ICMT: variants seen among roughly 807,000 people sequenced by gnomAD.
ICMT encodes the protein protein-S-isoprenylcysteine O-methyltransferase.
A neutral mutation model predicts 32.2 loss-of-function variants in ICMT; 10 were observed. That is an observed-to-expected ratio of 0.31 (90% CI 0.19 to 0.53). The LOEUF is 0.53. Ranked by LOEUF, ICMT falls within the 20% of genes least tolerant of loss-of-function variation. The probability of loss-of-function intolerance (pLI) is 0.96; values close to 1 mark genes in which losing one functional copy is unlikely to be tolerated. For synonymous variants in ICMT, 183 were observed against 158.2 expected (o/e 1.16, Z -1.18); for missense variants, 265 against 356.9 (o/e 0.74, Z 2.07).
In ICMT at chr1:6,232,031, A is replaced by C; in HGVS notation, c.543T>G (p.Ala181=). The change falls in exon 4 of 5, where the codon GCT becomes GCG. Residue 181 remains alanine (A), a synonymous_variant. Transcript: ENST00000343813. ...ECLRKAAMFT[A]GSNFNHVVQN... The stretch of plus-strand genomic sequence containing the variant: ...GTACCACGTGGTTGAAATTGGAGCC[A>C]GCTGTAAACATGGCCGCCTTCCTCA... The C allele has an allele frequency of 6.2e-7, 1 of 1,614,184 alleles. No individual in the cohort carries two copies. Among genetic ancestry groups the C allele is most frequent in the Admixed American group, 1.7e-5 (1 of 60,016 alleles).
chr1:6,231,561 A>G (rs1432155164), intron 4 of ICMT, among the ~76,000 whole-genome samples: 1 of 152,144 alleles, frequency 6.6e-6, no homozygotes, highest in East Asian at 1.9e-4. Context: ...AAAAAAAGAA[A>G]AAAGAAAACA....
rs1005508383 is a variant in ICMT at position 6,224,639 on chromosome 1, G to A, written c.*441C>T. On this transcript the variant is annotated 3_prime_UTR_variant, in exon 5 of 5. Transcript: ENST00000343813. ...AGCGGTCTGTGTTTTTCGGTTAAAT[G>A]AAAGGTTGTAAATGCATTTTTACCG... The A allele has an allele frequency of 1.9e-5, 3 of 156,520 alleles. No individual in the cohort carries two copies. Among genetic ancestry groups the A allele is most frequent in the African/African-American group, 7.2e-5 (3 of 41,628 alleles). 9.7% of individuals were successfully genotyped at this position (156,520 alleles called of 1,614,324 possible).
chr1:6,234,367 G>A (rs890098908), intron 2 of ICMT: 1 of 415,552 alleles, frequency 2.4e-6, no homozygotes, highest in South Asian at 1.7e-5. Context: ...AGGATTAGAT[G>A]GCTCAAAATA....
chr1:6,233,782 C>CT, intron 2 of ICMT, 139 bp from the exon 3 acceptor site: 1 of 632,096 alleles, frequency 1.6e-6, no homozygotes, highest in Non-Finnish European at 2.7e-6. Flanking sequence ...AGGTACCCAT[C>CT]TGCAGCATCT....
In ICMT at chr1:6,221,718, C is replaced by T. The variant is rs1668554605; in HGVS notation, c.*3362G>A. 1 of 152,348 alleles carries T rather than the reference C, an allele frequency of 6.6e-6. No individual in the cohort carries two copies. The highest frequency in any genetic ancestry group is 2.4e-5 in the African/African-American group (1 of 41,458). 9.4% of individuals were successfully genotyped at this position (152,348 alleles called of 1,614,324 possible). ...GGATGAATAAAGCCTACTTTTTAGG[C>T]TCAAGGAGCAGCTCGTGAAGGGGTG... On this transcript the variant is annotated 3_prime_UTR_variant, in exon 5 of 5. Coordinates refer to ENST00000343813, the MANE Select transcript of ICMT (RefSeq NM_012405.4).
chr1:6,235,309 G>A (rs1049790371), intron 1 of ICMT, among the ~76,000 whole-genome samples: 1 of 152,118 alleles, frequency 6.6e-6, no homozygotes, highest in Non-Finnish European at 1.5e-5. Flanking sequence ...ATTATTATTC[G>A]TGATTACTAT....
rs117924082 is a variant in ICMT at position 6,228,121 on chromosome 1, G to A, written c.673-2859C>T. Among the ~76,000 whole-genome samples, 61 of 152,292 alleles carry A rather than the reference G, an allele frequency of 4.0e-4. 1 individual carries two copies. In the East Asian group the frequency reaches 5.0e-3, roughly 13 times the overall value. ...TTGAGACTAGCTTGGGCAACACAGC[G>A]AGATCTCATCTTTAATACACAAATA... On this transcript the variant is annotated intron_variant, in intron 4 of 4. Transcript: ENST00000343813.
Position 6,221,607 on chromosome 1 carries a change from A to C in ICMT, c.*3473T>G, listed in dbSNP as rs14281. ...CAGCTAGCTGTTGGCGAGATCTTAC[A>C]AAGCCTGATCGGCTAACGCAGCTTC... is the stretch of plus-strand genomic sequence containing the variant. On this transcript the variant is annotated 3_prime_UTR_variant, in exon 5 of 5. Coordinates refer to ENST00000343813, the MANE Select transcript of ICMT (RefSeq NM_012405.4). 0.18 allele frequency: 27,102 copies of C among 152,712 alleles called. 4,620 individuals are homozygous for C. Among genetic ancestry groups the C allele is most frequent in the African/African-American group, 0.45 (18,812 of 41,510 alleles). 9.5% of individuals were successfully genotyped at this position (152,712 alleles called of 1,614,324 possible).
chr1:6,233,910 G>A (rs544017849), intron 2 of ICMT, among the ~76,000 whole-genome samples: 2 of 152,288 alleles, frequency 1.3e-5, no homozygotes, highest in South Asian at 2.1e-4. Context: ...ATGCAACTGC[G>A]TGATCTCAGC....
rs893386014 is a variant in ICMT, at chr1:6,221,801, T to C, written c.*3279A>G. 1 of 152,162 alleles carries C rather than the reference T, an allele frequency of 6.6e-6. No homozygotes were observed. The highest frequency in any genetic ancestry group is 1.5e-5 in the Non-Finnish European group (1 of 68,034). The allele number at this position is 152,162 out of a possible 1,614,324, so 9.4% of individuals were successfully genotyped here. A position where few individuals can be genotyped will look rare whatever the true frequency, so the allele number is the denominator to read the frequency against. On this transcript the variant is annotated 3_prime_UTR_variant, in exon 5 of 5. Coordinates refer to ENST00000343813, the MANE Select transcript of ICMT (RefSeq NM_012405.4). ...CTAAGAGGCTCACCCCGCGACCTCTTCTGTAAACTGCCACTCAGCAGCGGC... is the reference window on the plus strand; with the variant it reads ...CTAAGAGGCTCACCCCGCGACCTCTCCTGTAAACTGCCACTCAGCAGCGGC...
intron 4 of ICMT, among the ~76,000 whole-genome samples, chr1:6,227,049 C>A (rs961829564): frequency 6.6e-6 from 1 of 152,222 alleles, no homozygotes; most frequent in Non-Finnish European, 1.5e-5. Context: ...GCCATGAAAT[C>A]ATTTAGTACA....
Position 6,235,958 on chromosome 1 carries a change from G to A in ICMT, c.-47C>T, listed in dbSNP as rs1000521636. The A allele has an allele frequency of 1.3e-5, 13 of 1,009,516 alleles. No individual in the cohort carries two copies. The East Asian group carries it at 3.2e-4, about 24-fold the overall frequency. The allele number at this position is 1,009,516 out of a possible 1,614,324, so 62.5% of individuals were successfully genotyped here. A position where few individuals can be genotyped will look rare whatever the true frequency, so the allele number is the denominator to read the frequency against. ...GGGCGGCGGCGCCGGCTGTAGCCCG[G>A]AGAAACGCGCCGGCTGCGCCTGCGC... On this transcript the variant is annotated 5_prime_UTR_variant, in exon 1 of 5. Coordinates refer to ENST00000343813, the MANE Select transcript of ICMT (RefSeq NM_012405.4).
At chr1:6,229,162 AC>A (rs1441900087) in intron 4 of ICMT, among the ~76,000 whole-genome samples, 1 of 151,964 alleles carries the variant, frequency 6.6e-6, no homozygotes, top group East Asian at 1.9e-4. Flanking sequence ...ACATGGAAAA[AC>A]CCCGTCTCTA....
rs1014795546 is a variant in ICMT, at chr1:6,222,436, A to T, written c.*2644T>A. On this transcript the variant is annotated 3_prime_UTR_variant, in exon 5 of 5. Transcript: ENST00000343813. ...CAGAGCAAGACTGTCTTAAGAAAAT[A>T]AAAAAAATGGAGTTCATCTTTTATC... 2.6e-5 allele frequency: 4 copies of T among 151,910 alleles called. No homozygotes were observed. The highest frequency in any genetic ancestry group is 6.6e-5 in the Admixed American group (1 of 15,252). 9.4% of individuals were successfully genotyped at this position (151,910 alleles called of 1,614,324 possible). A position where few individuals can be genotyped will look rare whatever the true frequency, so the allele number is the denominator to read the frequency against.
At position 6,221,491 on chromosome 1, in the gene ICMT, CTA is replaced by C. The variant is rs1668547942; in HGVS notation, c.*3587_*3588del. 6.6e-6 allele frequency: 1 copy of C among 152,618 alleles called. No homozygotes were observed. The highest frequency in any genetic ancestry group is 2.4e-5 in the African/African-American group (1 of 41,420). The allele number at this position is 152,618 out of a possible 1,614,324, so 9.5% of individuals were successfully genotyped here. On this transcript the variant is annotated 3_prime_UTR_variant, in exon 5 of 5. Transcript: ENST00000343813. ...CTTGCCAAACCACTACAAAAGCAAA[CTA>C]GGGTGGGCAAGCCCAACTACCTAAG... is the stretch of plus-strand genomic sequence containing the variant.
In ICMT at chr1:6,232,133, AC is replaced by A. The variant is rs776479217; in HGVS notation, c.455-15del. On this transcript the variant is annotated splice_polypyrimidine_tract_variant and intron_variant, in intron 3 of 4. Transcript: ENST00000343813. Reference sequence around the variant, plus strand: ...TCTGCTTCAGTTCTGTGGGAGAGAGACATCAACGACACACGGGGAGTGAAAA... The same window carrying A: ...TCTGCTTCAGTTCTGTGGGAGAGAGAATCAACGACACACGGGGAGTGAAAA... The A allele has an allele frequency of 6.3e-7, 1 of 1,599,368 alleles. No homozygotes were observed. The highest frequency in any genetic ancestry group is 1.1e-5 in the South Asian group (1 of 90,390).
chr1:6,231,038 A>G (rs969641307), intron 4 of ICMT, among the ~76,000 whole-genome samples: 4 of 151,390 alleles, frequency 2.6e-5, no homozygotes, highest in African/African-American at 9.7e-5. Context: ...CTGTCTCTAC[A>G]AAAAAAATAC....
intron 4 of ICMT, among the ~76,000 whole-genome samples, chr1:6,230,611 T>C (rs1571225683): frequency 7.7e-6 from 1 of 129,250 alleles, no homozygotes; most frequent in East Asian, 2.3e-4. Context: ...AAAAAAAAGC[T>C]GGGCACGGTG....
chr1:6,232,181 G>A lies in ICMT; in HGVS notation c.455-62C>T, dbSNP rs533287199. On this transcript the variant is annotated intron_variant, in intron 3 of 4. Transcript: ENST00000343813. The stretch of plus-strand genomic sequence containing the variant: ...AAAACACTGGCCTGAGCTCCCCTTC[G>A]CACTGCTTAAAATTAACCTATTTTC... The A allele has an allele frequency of 5.5e-4, 669 of 1,217,852 alleles. 3 individuals carry two copies. In the South Asian group the frequency reaches 8.0e-3, roughly 15 times the overall value. 75.4% of individuals were successfully genotyped at this position (1,217,852 alleles called of 1,614,324 possible).
Sources: gnomAD v4.1 joint callset for allele counts (sites outside exome capture counted in the v4.1 genomes callset) on GRCh38, gnomAD v4.1.1 for gene constraint, MANE v1.5 for transcripts, NCBI Gene and HGNC (gene_info 2026-07-23, HGNC 2026-07-21) for gene names.